The following TSPAN5 variants were observed in gnomAD, a reference collection of about 807,000 sequenced individuals.
The protein encoded by TSPAN5 is tetraspanin 5, also known as tetraspanin-5.
In TSPAN5, 10 loss-of-function variants were observed where a neutral mutation model predicts 37.1. The ratio of observed to expected loss-of-function variants is 0.27; its 90% CI spans 0.17 to 0.46. The LOEUF (loss-of-function observed/expected upper bound fraction) is 0.46, where lower values mean the gene tolerates loss of function less well. Ranked by LOEUF, TSPAN5 falls within the 20% of genes least tolerant of loss-of-function variation. The pLI is 1.00. For synonymous variants in TSPAN5, 110 were observed against 118.9 expected (o/e 0.93, Z 0.48); for missense variants, 195 against 326.6 (o/e 0.60, Z 3.11).
At chr4:98,543,738 T>A (rs773121857) in intron 1 of TSPAN5, among the ~76,000 whole-genome samples, 1 of 152,024 alleles carries the variant, frequency 6.6e-6, no homozygotes, top group African/African-American at 2.4e-5. Flanking sequence ...AATTTTTAAA[T>A]GTCTTTAGGG....
Position 98,472,332 on chromosome 4 carries a change from TA to T in TSPAN5, c.*189del, listed in dbSNP as rs1752605892. ...ACGGCGCAACGACTTTCATACTGGT[TA>T]TTTTTTTTTTTAATTCTGTCAGTGA... is the stretch of plus-strand genomic sequence containing the variant. On this transcript the variant is annotated 3_prime_UTR_variant, in exon 8 of 8. Coordinates refer to ENST00000305798, the MANE Select transcript of TSPAN5 (RefSeq NM_005723.4). 4 of 483,896 alleles carry T rather than the reference TA, an allele frequency of 8.3e-6. No homozygotes were observed. The highest frequency in any genetic ancestry group is 7.8e-5 in the Admixed American group (2 of 25,650). 30.0% of individuals were successfully genotyped at this position (483,896 alleles called of 1,614,324 possible).
intron 1 of TSPAN5, among the ~76,000 whole-genome samples, chr4:98,527,828 G>A (rs1402117653): frequency 2.0e-5 from 3 of 152,122 alleles, no homozygotes; most frequent in Non-Finnish European, 2.9e-5. Flanking sequence ...GCCAACAGTC[G>A]ACTGCTAATA....
intron 1 of TSPAN5, among the ~76,000 whole-genome samples, chr4:98,553,249 A>C (rs1461110093): frequency 5.3e-5 from 8 of 152,240 alleles, no homozygotes; most frequent in African/African-American, 1.9e-4. Flanking sequence ...AAACAAGAAG[A>C]TAGCACTTTA....
chr4:98,630,937 T>C (rs1756731828), intron 1 of TSPAN5, among the ~76,000 whole-genome samples: 1 of 152,198 alleles, frequency 6.6e-6, no homozygotes, highest in Non-Finnish European at 1.5e-5. Flanking sequence ...CTCAACACCC[T>C]TTCTTTTGCT....
At chr4:98,627,659 T>G (rs1238179444) in intron 1 of TSPAN5, among the ~76,000 whole-genome samples, 1 of 152,208 alleles carries the variant, frequency 6.6e-6, no homozygotes, top group Non-Finnish European at 1.5e-5. Flanking sequence ...TGGATTTCAG[T>G]GGGAACACAG....
intron 1 of TSPAN5, among the ~76,000 whole-genome samples, chr4:98,606,558 A>T (rs1756044012): frequency 6.6e-6 from 1 of 152,224 alleles, no homozygotes; most frequent in South Asian, 2.1e-4. Context: ...ATCAAACACC[A>T]TTATTAAGAA....
At chr4:98,488,263 C>A (rs1036361197) in intron 2 of TSPAN5, among the ~76,000 whole-genome samples, 1 of 152,140 alleles carries the variant, frequency 6.6e-6, no homozygotes, top group African/African-American at 2.4e-5. Context: ...CACTAACCAA[C>A]ATCTGAACTT....
At chr4:98,592,422 TTTTTTG>T (rs1321714426) in intron 1 of TSPAN5, among the ~76,000 whole-genome samples, 2 of 72,350 alleles carry the variant, frequency 2.8e-5, no homozygotes, top group African/African-American at 1.6e-4. Context: ...GGGATCTCTG[TTTTTTG>T]TTTTTTTTTT....
rs1334702550 is a variant in TSPAN5, at chr4:98,471,129, T to C, written c.*1393A>G. On this transcript the variant is annotated 3_prime_UTR_variant, in exon 8 of 8. Coordinates refer to ENST00000305798, the MANE Select transcript of TSPAN5 (RefSeq NM_005723.4). ...CTTGCCCCAGTTCAACGCATTCCCCTCCAAAGTATTTGTGCTTTGATACCA... is the reference window on the plus strand; with the variant it reads ...CTTGCCCCAGTTCAACGCATTCCCCCCCAAAGTATTTGTGCTTTGATACCA... 1 of 152,186 alleles carries C rather than the reference T, an allele frequency of 6.6e-6. No homozygotes were observed. The highest frequency in any genetic ancestry group is 1.5e-5 in the Non-Finnish European group (1 of 68,034). 9.4% of individuals were successfully genotyped at this position (152,186 alleles called of 1,614,324 possible).
chr4:98,559,930 T>C (rs1167333566), intron 1 of TSPAN5, among the ~76,000 whole-genome samples: 4 of 152,220 alleles, frequency 2.6e-5, no homozygotes, highest in Admixed American at 2.6e-4. Context: ...CCTCCAGAGA[T>C]GTCACTTCCC....
intron 1 of TSPAN5, among the ~76,000 whole-genome samples, chr4:98,621,884 G>A (rs1183671831): frequency 6.8e-6 from 1 of 147,590 alleles, no homozygotes; most frequent in African/African-American, 2.5e-5. Context: ...CATACAATAT[G>A]TGGCCTTTTG....
chr4:98,608,573 G>A (rs951179196), intron 1 of TSPAN5, among the ~76,000 whole-genome samples: 2 of 152,086 alleles, frequency 1.3e-5, no homozygotes, highest in Non-Finnish European at 2.9e-5. Flanking sequence ...GCGGAAGAAC[G>A]AGGCCCAGGT....
At chr4:98,478,949 A>T (rs918058177) in intron 4 of TSPAN5, 139 bp from the exon 5 acceptor site, 44 of 1,022,910 alleles carry the variant, frequency 4.3e-5, no homozygotes, top group Non-Finnish European at 5.6e-5. Flanking sequence ...AGCCAAACTG[A>T]ACCTAAATGG....
intron 1 of TSPAN5, among the ~76,000 whole-genome samples, chr4:98,629,867 C>T (rs1756702073): frequency 6.6e-6 from 1 of 152,166 alleles, no homozygotes; most frequent in Non-Finnish European, 1.5e-5. Context: ...GGGTTATTTG[C>T]TGCTGACCAC....
chr4:98,512,411 AT>A (rs1753628844), intron 1 of TSPAN5, among the ~76,000 whole-genome samples: 1 of 152,118 alleles, frequency 6.6e-6, no homozygotes, highest in Non-Finnish European at 1.5e-5. Flanking sequence ...AAGTCTCTAA[AT>A]TACTCTTTTA....
chr4:98,594,328 G>C (rs1177610125), intron 1 of TSPAN5, among the ~76,000 whole-genome samples: 2 of 93,780 alleles, frequency 2.1e-5, no homozygotes, highest in Non-Finnish European at 3.9e-5. Flanking sequence ...ATCAGCTTAA[G>C]GAGATTTTGG....
intron 1 of TSPAN5, among the ~76,000 whole-genome samples, chr4:98,575,318 A>C (rs1028440363): frequency 3.2e-4 from 48 of 152,086 alleles, no homozygotes; most frequent in Non-Finnish European, 1.2e-4. Context: ...AATTTTTCAC[A>C]AAAGTATTTG....
intron 1 of TSPAN5, among the ~76,000 whole-genome samples, chr4:98,508,917 TG>T (rs1404639613): frequency 3.3e-5 from 5 of 150,486 alleles, no homozygotes; most frequent in Admixed American, 2.0e-4. Flanking sequence ...GAAATTGGGA[TG>T]TATCTTAAAA....
chr4:98,586,536 A>T (rs1488352097), intron 1 of TSPAN5, among the ~76,000 whole-genome samples: 12 of 152,214 alleles, frequency 7.9e-5, no homozygotes, highest in Admixed American at 3.9e-4. Context: ...AATAGGCAAG[A>T]TGATAGATTA....
Sources: allele counts gnomAD v4.1 joint callset (sites outside exome capture counted in the v4.1 genomes callset), GRCh38; gene constraint gnomAD v4.1.1; transcripts MANE v1.5; gene names NCBI Gene and HGNC (gene_info 2026-07-23, HGNC 2026-07-21).